Variants in C2CD3 observed in about 807,000 individuals in gnomAD.
The protein encoded by C2CD3 is C2 domain containing 3 centriole elongation regulator.
Under a neutral mutation model 234.0 loss-of-function variants are expected in C2CD3, and 148 were observed. The observed-to-expected ratio is 0.63, with a 90% confidence interval of 0.55 to 0.72. C2CD3 has a LOEUF of 0.72. C2CD3 is among the 30% of genes least tolerant of loss of function. C2CD3 has a pLI of 0.00. For synonymous variants in C2CD3, 1,000 were observed against 1,035.4 expected (o/e 0.97, Z 0.66); for missense variants, 2,577 against 2,811.5 (o/e 0.92, Z 1.89).
chr11:74,022,483 T>C (rs1439193222), intron 32 of C2CD3, among the ~76,000 whole-genome samples: 1 of 152,136 alleles, frequency 6.6e-6, no homozygotes, highest in Non-Finnish European at 1.5e-5. Flanking sequence ...AAGACTAGAC[T>C]GAAGATAAGG....
rs375018538 is a variant in C2CD3 at position 74,073,950 on chromosome 11, G to T, written c.4951+303C>A. On this transcript the variant is annotated intron_variant, in intron 24 of 32. Coordinates refer to ENST00000334126, the MANE Select transcript of C2CD3 (RefSeq NM_001286577.2). ...GCATTAGGAAGGCCTGAGTTGGCAG[G>T]AATGCAGAAGGAAGAAATCTGAGAA... 5.9e-5 allele frequency among the ~76,000 whole-genome samples: 9 copies of T among 152,310 alleles called. No homozygotes were observed. The East Asian group carries it at 1.5e-3, about 26-fold the overall frequency.
intron 7 of C2CD3, among the ~76,000 whole-genome samples, chr11:74,124,840 A>G (rs1021476203): frequency 6.6e-6 from 1 of 152,196 alleles, no homozygotes; most frequent in African/African-American, 2.4e-5. Context: ...CCCACTTTGT[A>G]CACCCTTAAA....
intron 9 of C2CD3, among the ~76,000 whole-genome samples, chr11:74,115,082 C>CA (rs2135511623): frequency 1.3e-5 from 2 of 149,556 alleles, no homozygotes; most frequent in South Asian, 2.1e-4. Context: ...CAAGAAATCT[C>CA]AAAAAATGTA....
chr11:74,124,153 G>C (rs1957319839), intron 7 of C2CD3, among the ~76,000 whole-genome samples: 1 of 152,060 alleles, frequency 6.6e-6, no homozygotes, highest in African/African-American at 2.4e-5. Context: ...CATTTAATAA[G>C]CACCTGTTAG....
At chr11:74,146,848 C>G (rs978180801) in intron 3 of C2CD3, among the ~76,000 whole-genome samples, 16 of 151,122 alleles carry the variant, frequency 1.1e-4, no homozygotes, top group African/African-American at 3.6e-4. Context: ...AGGTCAGGAG[C>G]TCGAGACCAG....
chr11:74,094,192 T>C (rs1410861947), intron 17 of C2CD3, among the ~76,000 whole-genome samples, 193 bp from the exon 18 acceptor site: 1 of 145,812 alleles, frequency 6.9e-6, no homozygotes. Context: ...GTGCCAACAC[T>C]TGTTAGGTTT....
chr11:74,025,587 C>T (rs904738487), intron 32 of C2CD3, among the ~76,000 whole-genome samples: 5 of 152,062 alleles, frequency 3.3e-5, no homozygotes, highest in Non-Finnish European at 5.9e-5. Flanking sequence ...CCATTCAAAG[C>T]GGCCCAGAGA....
At chr11:74,047,463 G>A (rs1198199883) in intron 28 of C2CD3, among the ~76,000 whole-genome samples, 1 of 152,212 alleles carries the variant, frequency 6.6e-6, no homozygotes, top group Non-Finnish European at 1.5e-5. Context: ...TCTAGGAATT[G>A]ACAGATACAT....
chr11:74,132,764 G>A, intron 7 of C2CD3, 80 bp downstream of exon 7: 1 of 1,379,524 alleles, frequency 7.2e-7, no homozygotes, highest in East Asian at 2.3e-5. Context: ...TGTTACTTTA[G>A]GAAGATGAAT....
At chr11:74,089,296 T>C (rs1955784928) in intron 20 of C2CD3, among the ~76,000 whole-genome samples, 1 of 152,088 alleles carries the variant, frequency 6.6e-6, no homozygotes, top group East Asian at 1.9e-4. Context: ...CCCCTGTATC[T>C]AAAATAAAAA....
At chr11:74,161,819 T>C (rs951107307) in intron 2 of C2CD3, among the ~76,000 whole-genome samples, 3 of 149,808 alleles carry the variant, frequency 2.0e-5, no homozygotes, top group Non-Finnish European at 4.5e-5. Context: ...TCTACTTTTT[T>C]TTTTTTTTTT....
intron 3 of C2CD3, among the ~76,000 whole-genome samples, chr11:74,146,738 AC>A (rs1855224615): frequency 6.7e-6 from 1 of 149,106 alleles, no homozygotes; most frequent in Non-Finnish European, 1.5e-5. Context: ...ACACACACAC[AC>A]ACACACACAA....
At chr11:74,152,889 T>A (rs920329660) in intron 3 of C2CD3, among the ~76,000 whole-genome samples, 4 of 152,202 alleles carry the variant, frequency 2.6e-5, no homozygotes, top group Admixed American at 1.3e-4. Flanking sequence ...ACTTTTCTAA[T>A]TGATAAAGGA....
At chr11:74,049,298 C>A in intron 27 of C2CD3, 39 bp downstream of exon 27, 1 of 1,537,884 alleles carries the variant, frequency 6.5e-7, no homozygotes. Flanking sequence ...TAGGTCAGTA[C>A]AATTCGTATT....
chr11:74,168,150 T>C (rs1477791232), intron 2 of C2CD3, 194 bp downstream of exon 2: 6 of 578,020 alleles, frequency 1.0e-5, no homozygotes, highest in South Asian at 2.2e-5. Flanking sequence ...TTAGAAGTAA[T>C]ACATTTCAAA....
At chr11:74,133,031 C>G in intron 6 of C2CD3, 59 bp from the exon 7 acceptor site, 1 of 1,538,554 alleles carries the variant, frequency 6.5e-7, no homozygotes, top group East Asian at 2.2e-5. Context: ...AAATCTAAAT[C>G]ATAATCACTT....
intron 13 of C2CD3, 52 bp from the exon 14 acceptor site, chr11:74,103,677 A>G: frequency 6.7e-7 from 1 of 1,499,382 alleles, no homozygotes; most frequent in Non-Finnish European, 9.0e-7. Context: ...TAGAATTGGA[A>G]TTAGAATTTT....
intron 4 of C2CD3, 95 bp downstream of exon 4, chr11:74,139,510 C>T: frequency 1.1e-6 from 1 of 923,358 alleles, no homozygotes; most frequent in Non-Finnish European, 1.8e-6. Context: ...CCTCTCTCTG[C>T]TGTTAATCTT....
intron 5 of C2CD3, among the ~76,000 whole-genome samples, chr11:74,137,351 G>A (rs920627120): frequency 2.0e-5 from 3 of 151,860 alleles, no homozygotes; most frequent in African/African-American, 7.3e-5. Flanking sequence ...CTAGAAGAGC[G>A]CCAGACATTT....
Sources: gnomAD v4.1 joint callset for allele counts (sites outside exome capture counted in the v4.1 genomes callset) on GRCh38, gnomAD v4.1.1 for gene constraint, MANE v1.5 for transcripts, NCBI Gene and HGNC (gene_info 2026-07-23, HGNC 2026-07-21) for gene names.